Variants in ST3GAL1 observed in about 807,000 individuals in gnomAD.
The protein encoded by ST3GAL1 is CMP-N-acetylneuraminate-beta-galactosamide-alpha-2,3-sialyltransferase 1.
In ST3GAL1, 16 loss-of-function variants were observed where a neutral mutation model predicts 34.1. The observed-to-expected ratio is 0.47, with a 90% CI of 0.32 to 0.71. The LOEUF is 0.71. ST3GAL1 is among the 30% of genes least tolerant of loss of function. ST3GAL1 has a pLI of 0.04. For missense variants in ST3GAL1, 353 were observed against 447.4 expected, an observed-to-expected ratio of 0.79 and a Z score of 1.90; for synonymous variants, 191 against 184.7, an observed-to-expected ratio of 1.03 and a Z score of -0.28.
chr8:133,459,851 C>T lies in ST3GAL1; in HGVS notation c.936G>A (p.Lys312=), dbSNP rs376436101. Residue 312 remains lysine, a synonymous_variant, in exon 10 of 10, where the codon AAG becomes AAA. Coordinates refer to ENST00000522652, the MANE Select transcript of ST3GAL1 (RefSeq NM_173344.3). This position sits in a 1 kb window ranked among gnomAD's most constrained non-coding sequence, Gnocchi z 4.7. ...CAAAGTCTGCATCGTGCACCCCCGT[C>T]TTGCGAAAAGCCCCCGCGGATGGGT... ...ENNPSAGAFR[K]TGVHDADFES... 2.5e-6 allele frequency: 4 copies of T among 1,614,192 alleles called. No individual in the cohort carries two copies. In the East Asian group the frequency reaches 8.9e-5, roughly 36 times the overall value.
Position 133,459,595 on chromosome 8 carries a change from C to A in ST3GAL1, c.*169G>T. 1.4e-6 allele frequency: 1 copy of A among 733,894 alleles called. No individual in the cohort carries two copies. The highest frequency in any genetic ancestry group is 2.1e-6 in the Non-Finnish European group (1 of 484,232). 45.5% of individuals were successfully genotyped at this position (733,894 alleles called of 1,614,324 possible). ...CTGCCACGCTGGCAGAGCTTAGTGA[C>A]CTTGCTGAGTAGATGCTGCCAACGG... On this transcript the variant is annotated 3_prime_UTR_variant, in exon 10 of 10. Transcript: ENST00000522652. This position sits in a 1 kb window ranked among gnomAD's most constrained non-coding sequence, Gnocchi z 4.7.
At chr8:133,485,286 C>G (rs1454111637) in intron 3 of ST3GAL1, among the ~76,000 whole-genome samples, 1 of 152,228 alleles carries the variant, frequency 6.6e-6, no homozygotes. Flanking sequence ...GAGGCAAGAG[C>G]CTTCCTTCCT....
At chr8:133,521,786 G>A (rs1044903341) in intron 2 of ST3GAL1, among the ~76,000 whole-genome samples, 3 of 152,138 alleles carry the variant, frequency 2.0e-5, no homozygotes, top group East Asian at 3.9e-4. Context: ...AATTGGAAAC[G>A]AAAAGAGAAA....
intron 6 of ST3GAL1, chr8:133,465,647 C>T (rs1258313907): frequency 2.0e-5 from 8 of 401,296 alleles, no homozygotes; most frequent in South Asian, 8.9e-5. Flanking sequence ...CTCCCAACAA[C>T]GGGGGACCTC....
intron 2 of ST3GAL1, among the ~76,000 whole-genome samples, chr8:133,520,211 G>C: frequency 6.6e-6 from 1 of 152,210 alleles, no homozygotes; most frequent in Non-Finnish European, 1.5e-5. Flanking sequence ...AAATGAGTGT[G>C]TAGAGGTCAG....
intron 1 of ST3GAL1, among the ~76,000 whole-genome samples, chr8:133,559,601 T>A (rs910817589): frequency 3.3e-5 from 5 of 152,144 alleles, no homozygotes; most frequent in Admixed American, 1.3e-4. Context: ...TGAGCAACGG[T>A]CTTTATTCAT....
In ST3GAL1 at chr8:133,490,820, G is replaced by A. The variant is rs143286635; in HGVS notation, c.-374+8315C>T. On this transcript the variant is annotated intron_variant, in intron 3 of 9. Transcript: ENST00000522652. The stretch of plus-strand genomic sequence containing the variant: ...CAGTAGTGATTGCAACTGGCACATC[G>A]TGGCTGGACTGGAGAGGGGTGCACA... 2.1e-3 allele frequency among the ~76,000 whole-genome samples: 325 copies of A among 152,314 alleles called. 1 individual carries two copies. The highest frequency in any genetic ancestry group is 0.01 in the Middle Eastern group (3 of 294).
intron 5 of ST3GAL1, among the ~76,000 whole-genome samples, chr8:133,472,461 G>A (rs1252960107): frequency 6.6e-6 from 1 of 152,146 alleles, no homozygotes; most frequent in African/African-American, 2.4e-5. Context: ...ATGAGATTTG[G>A]GTGAAAGCCA....
intron 2 of ST3GAL1, among the ~76,000 whole-genome samples, chr8:133,521,757 A>C (rs1297826779): frequency 6.6e-5 from 10 of 152,262 alleles, no homozygotes; most frequent in Admixed American, 6.5e-4. Context: ...AACACGGAGG[A>C]ATATCTACTA....
chr8:133,472,530 C>A (rs1291070894), intron 5 of ST3GAL1, among the ~76,000 whole-genome samples: 1 of 152,202 alleles, frequency 6.6e-6, no homozygotes, highest in Admixed American at 6.5e-5. Flanking sequence ...TGCAGGGGGG[C>A]CTTTAAGCAG....
Position 133,570,816 on chromosome 8 carries a change from GCTCCCAGAAGGGGTGGCC to G in ST3GAL1, c.-582+859_-582+876del, listed in dbSNP as rs1819547155. Among the ~76,000 whole-genome samples the G allele has an allele frequency of 6.6e-6, 1 of 152,200 alleles. No homozygotes were observed. Among genetic ancestry groups the G allele is most frequent in the Non-Finnish European group, 1.5e-5 (1 of 68,028 alleles). On this transcript the variant is annotated intron_variant, in intron 1 of 9. Transcript: ENST00000522652. The surrounding 1 kb of genome is among the most constrained non-coding windows in gnomAD (Gnocchi z 5.6). ...GGGTCACCGCTGTCCGTCCCCGTGCGCTCCCAGAAGGGGTGGCCCTGCCCCCACGCAGGTCACACACAC... is the reference window on the plus strand; with the variant it reads ...GGGTCACCGCTGTCCGTCCCCGTGCGCTGCCCCCACGCAGGTCACACACAC...
intron 2 of ST3GAL1, among the ~76,000 whole-genome samples, chr8:133,537,525 A>G (rs1204471920): frequency 6.6e-6 from 1 of 152,206 alleles, no homozygotes; most frequent in Non-Finnish European, 1.5e-5. Flanking sequence ...AAGGGCTACA[A>G]AAGAATGAGC....
In ST3GAL1 at chr8:133,511,655, T is replaced by G. The variant is rs367640882; in HGVS notation, c.-428-12466A>C. ...CCACACCAACAGATACTACCTAAGTTGTCTCACTGCACCTTCACTAGAGAC... is the reference window on the plus strand; with the variant it reads ...CCACACCAACAGATACTACCTAAGTGGTCTCACTGCACCTTCACTAGAGAC... On this transcript the variant is annotated intron_variant, in intron 2 of 9. Coordinates refer to ENST00000522652, the MANE Select transcript of ST3GAL1 (RefSeq NM_173344.3). Among the ~76,000 whole-genome samples the G allele has an allele frequency of 6.6e-5, 10 of 152,308 alleles. 1 individual carries two copies. The South Asian group carries it at 2.1e-3, about 32-fold the overall frequency.
At position 133,498,505 on chromosome 8, in the gene ST3GAL1, G is replaced by GT. The variant is rs993427735; in HGVS notation, c.-374+629dup. Among the ~76,000 whole-genome samples, 663 of 149,730 alleles carry GT rather than the reference G, an allele frequency of 4.4e-3. 5 individuals are homozygous for GT. The highest frequency in any genetic ancestry group is 0.014 in the Middle Eastern group (4 of 286). On this transcript the variant is annotated intron_variant, in intron 3 of 9. Coordinates refer to ENST00000522652, the MANE Select transcript of ST3GAL1 (RefSeq NM_173344.3). ...GATCTGTCAACCTCGTGTTTGGAGGGTTTTTTTTTTCTCTAGCTGAGCTCT... is the reference window on the plus strand; with the variant it reads ...GATCTGTCAACCTCGTGTTTGGAGGGTTTTTTTTTTTCTCTAGCTGAGCTCT...
At chr8:133,481,290 T>C (rs149617692) in intron 3 of ST3GAL1, among the ~76,000 whole-genome samples, 4 of 152,238 alleles carry the variant, frequency 2.6e-5, no homozygotes, top group Admixed American at 1.3e-4. Flanking sequence ...TCACTTTTCA[T>C]GAAGACTGGT....
At chr8:133,523,470 C>T (rs527400291) in intron 2 of ST3GAL1, among the ~76,000 whole-genome samples, 1 of 152,318 alleles carries the variant, frequency 6.6e-6, no homozygotes, top group African/African-American at 2.4e-5. Flanking sequence ...TCATTTCCTC[C>T]TCTGTAAAGT....
In ST3GAL1 at chr8:133,570,285, G is replaced by T. The variant is rs1012788521; in HGVS notation, c.-582+1408C>A. 2 of 152,310 alleles carry T rather than the reference G, an allele frequency of 1.3e-5. No homozygotes were observed. Among genetic ancestry groups the T allele is most frequent in the African/African-American group, 4.8e-5 (2 of 41,466 alleles). 9.4% of individuals were successfully genotyped at this position (152,310 alleles called of 1,614,324 possible). On this transcript the variant is annotated intron_variant, in intron 1 of 9. Coordinates refer to ENST00000522652, the MANE Select transcript of ST3GAL1 (RefSeq NM_173344.3). This position sits in a 1 kb window ranked among gnomAD's most constrained non-coding sequence, Gnocchi z 5.6. ...GGGGAGAAGTCGGGAGAGGCCAGGG[G>T]TGCCCGGAAACAATCACGAGAAAGC...
At position 133,556,105 on chromosome 8, in the gene ST3GAL1, A is replaced by G. The variant is rs1303414087; in HGVS notation, c.-581-10179T>C. Among the ~76,000 whole-genome samples, 1 of 152,126 alleles carries G rather than the reference A, an allele frequency of 6.6e-6. No homozygotes were observed. Among genetic ancestry groups the G allele is most frequent in the Non-Finnish European group, 1.5e-5 (1 of 68,038 alleles). The stretch of plus-strand genomic sequence containing the variant: ...GAGACGGGGTTTCATCATGTTGCCC[A>G]GGCTGATCTCGAACTCCTGAGCTCA... On this transcript the variant is annotated intron_variant, in intron 1 of 9. Coordinates refer to ENST00000522652, the MANE Select transcript of ST3GAL1 (RefSeq NM_173344.3). The surrounding 1 kb of genome is among the most constrained non-coding windows in gnomAD (Gnocchi z 8.9).
intron 5 of ST3GAL1, among the ~76,000 whole-genome samples, chr8:133,473,980 T>A (rs1344721504): frequency 6.6e-6 from 1 of 152,156 alleles, no homozygotes; most frequent in Non-Finnish European, 1.5e-5. Flanking sequence ...GGTTCTCTGT[T>A]ACCTCCCCAG....
Sources: allele counts gnomAD v4.1 joint callset (sites outside exome capture counted in the v4.1 genomes callset), GRCh38; gene constraint gnomAD v4.1.1; non-coding constraint Gnocchi (gnomAD v3.1); transcripts MANE v1.5; gene names NCBI Gene and HGNC (gene_info 2026-07-23, HGNC 2026-07-21).